WDR70: variants seen among roughly 807,000 people sequenced by gnomAD.
WDR70 encodes the protein WD repeat-containing protein 70.
A neutral mutation model predicts 88.6 loss-of-function variants in WDR70; 53 were observed. That is an observed-to-expected ratio of 0.60 (90% CI 0.48 to 0.75). The LOEUF (loss-of-function observed/expected upper bound fraction) is 0.75, where lower values mean the gene tolerates loss of function less well. WDR70 is among the 30% of genes least tolerant of loss of function. The probability of loss-of-function intolerance (pLI) is 0.00; values close to 1 mark genes in which losing one functional copy is unlikely to be tolerated. For missense variants in WDR70, 610 were observed against 823.2 expected, an observed-to-expected ratio of 0.74 and a Z score of 3.17; for synonymous variants, 280 against 270.0, an observed-to-expected ratio of 1.04 and a Z score of -0.36.
chr5:37,696,050 C>T (rs901599641), intron 10 of WDR70, among the ~76,000 whole-genome samples: 3 of 152,132 alleles, frequency 2.0e-5, no homozygotes, highest in African/African-American at 7.2e-5. Context: ...TCTGTATTTC[C>T]CCATTGTAGC....
At position 37,533,530 on chromosome 5, in the gene WDR70, A is replaced by T. The variant is rs528476248; in HGVS notation, c.917+16940A>T. Among the ~76,000 whole-genome samples the T allele has an allele frequency of 1.1e-4, 17 of 148,820 alleles. No homozygotes were observed. In the South Asian group the frequency reaches 3.7e-3, roughly 32 times the overall value. ...TCTAGGAATACCTGGTTAAGTATTCAGGTTTTTCAGGCAGTGGGCGGGGCC... is the reference window on the plus strand; with the variant it reads ...TCTAGGAATACCTGGTTAAGTATTCTGGTTTTTCAGGCAGTGGGCGGGGCC... On this transcript the variant is annotated intron_variant, in intron 9 of 17. Coordinates refer to ENST00000265107, the MANE Select transcript of WDR70 (RefSeq NM_018034.4).
chr5:37,540,543 A>G (rs538716205), intron 9 of WDR70, among the ~76,000 whole-genome samples: 6 of 152,100 alleles, frequency 3.9e-5, no homozygotes, highest in African/African-American at 1.4e-4. Context: ...TACCATGCCC[A>G]GCTAATTTTT....
chr5:37,483,616 T>A (rs1739746085), intron 8 of WDR70, among the ~76,000 whole-genome samples: 1 of 152,184 alleles, frequency 6.6e-6, no homozygotes, highest in Admixed American at 6.5e-5. Flanking sequence ...AGCTGTTGGG[T>A]ACACCTCCCA....
intron 10 of WDR70, among the ~76,000 whole-genome samples, chr5:37,691,384 C>T (rs1315567846): frequency 6.6e-6 from 1 of 152,176 alleles, no homozygotes; most frequent in African/African-American, 2.4e-5. Context: ...ACAGAACTCT[C>T]CATCCCGAAT....
intron 5 of WDR70, among the ~76,000 whole-genome samples, chr5:37,414,058 T>C (rs1040635052): frequency 1.2e-4 from 18 of 148,080 alleles, no homozygotes; most frequent in Non-Finnish European, 1.9e-4. Flanking sequence ...GGCAGGAGAA[T>C]CGCTTGAACT....
chr5:37,453,181 C>G (rs777196914), intron 7 of WDR70, among the ~76,000 whole-genome samples: 15 of 152,186 alleles, frequency 9.9e-5, no homozygotes, highest in Non-Finnish European at 2.9e-5. Context: ...CCAGCTCTGT[C>G]AGGGAGACCC....
At chr5:37,645,805 T>G (rs151136705) in intron 10 of WDR70, among the ~76,000 whole-genome samples, 116 of 152,250 alleles carry the variant, frequency 7.6e-4, no homozygotes, top group African/African-American at 2.7e-3. Context: ...TCCTTTTTGG[T>G]TTCTATTGGC....
rs1364258546 is a variant in WDR70 at position 37,563,083 on chromosome 5, C to G, written c.918-41981C>G. Among the ~76,000 whole-genome samples the G allele has an allele frequency of 7.3e-3, 523 of 71,332 alleles. 3 individuals carry two copies. Among genetic ancestry groups the G allele is most frequent in the African/African-American group, 0.023 (509 of 22,362 alleles). The allele number at this position is 71,332 out of a possible 152,430, so 46.8% of individuals were successfully genotyped here. ...CGGCTGGCCGGGCGGGGGGCTGACC[C>G]CCCCCGCCTCCCTCCCGGACGGGGC... is the stretch of plus-strand genomic sequence containing the variant. On this transcript the variant is annotated intron_variant, in intron 9 of 17. Coordinates refer to ENST00000265107, the MANE Select transcript of WDR70 (RefSeq NM_018034.4).
At chr5:37,622,462 AT>A (rs1744534457) in intron 10 of WDR70, among the ~76,000 whole-genome samples, 1 of 152,028 alleles carries the variant, frequency 6.6e-6, no homozygotes, top group Admixed American at 6.6e-5. Context: ...TTGCAGCACT[AT>A]TCACAATAGC....
At chr5:37,707,645 C>T (rs28522523) in intron 13 of WDR70, among the ~76,000 whole-genome samples, 3,223 of 151,562 alleles carry the variant, frequency 0.021, 129 homozygotes, top group African/African-American at 0.073. Context: ...CCTGGCATGG[C>T]GGCTTATGCC....
chr5:37,582,947 G>T (rs1227405566), intron 9 of WDR70, among the ~76,000 whole-genome samples: 2 of 152,220 alleles, frequency 1.3e-5, no homozygotes. Context: ...GTAAAATGCT[G>T]CTTAGGTGGT....
At chr5:37,573,860 T>C (rs965589796) in intron 9 of WDR70, among the ~76,000 whole-genome samples, 1 of 152,152 alleles carries the variant, frequency 6.6e-6, no homozygotes, top group Admixed American at 6.5e-5. Flanking sequence ...CTCTCTCCTT[T>C]CCTGGCTTCT....
At chr5:37,471,830 T>C (rs1739333834) in intron 7 of WDR70, among the ~76,000 whole-genome samples, 1 of 152,018 alleles carries the variant, frequency 6.6e-6, no homozygotes. Context: ...AATGTCAAAT[T>C]GACTCCGCAT....
intron 8 of WDR70, among the ~76,000 whole-genome samples, chr5:37,509,846 T>A (rs1013468401): frequency 2.2e-4 from 33 of 151,868 alleles, no homozygotes; most frequent in African/African-American, 4.8e-4. Flanking sequence ...GAATATTTTT[T>A]AAAAAGTATT....
chr5:37,709,519 T>A (rs1162577452), intron 13 of WDR70, among the ~76,000 whole-genome samples: 1 of 151,856 alleles, frequency 6.6e-6, no homozygotes, highest in Non-Finnish European at 1.5e-5. Context: ...TTCAGAGCAC[T>A]GGTTGTTTCT....
chr5:37,707,428 A>G (rs1366585257), intron 13 of WDR70, among the ~76,000 whole-genome samples: 1 of 152,238 alleles, frequency 6.6e-6, no homozygotes, highest in African/African-American at 2.4e-5. Flanking sequence ...TTGCTTAGGT[A>G]CTTTGGTGAG....
chr5:37,596,230 T>C (rs1743696312), intron 9 of WDR70, among the ~76,000 whole-genome samples: 1 of 152,080 alleles, frequency 6.6e-6, no homozygotes, highest in Admixed American at 6.6e-5. Context: ...ACAGGAATAA[T>C]AGAGAGGCAC....
intron 6 of WDR70, among the ~76,000 whole-genome samples, chr5:37,439,847 G>A (rs765744957): frequency 1.9e-4 from 29 of 151,834 alleles, no homozygotes; most frequent in Non-Finnish European, 3.8e-4. Context: ...GCAAATACCT[G>A]ACTTCATATG....
intron 8 of WDR70, chr5:37,506,216 G>A: frequency 1.0e-6 from 1 of 966,730 alleles, no homozygotes; most frequent in Non-Finnish European, 1.7e-6. Context: ...GTTCTGACTT[G>A]GTTGGAGTTG....
Sources: gnomAD v4.1 joint callset for allele counts (sites outside exome capture counted in the v4.1 genomes callset) on GRCh38, gnomAD v4.1.1 for gene constraint, MANE v1.5 for transcripts, NCBI Gene and HGNC (gene_info 2026-07-23, HGNC 2026-07-21) for gene names.